The following C20orf202 variants were observed in gnomAD, a reference collection of about 807,000 sequenced individuals.
C20orf202 encodes the protein chromosome 20 open reading frame 202.
In C20orf202, 5 loss-of-function variants were observed where a neutral mutation model predicts 5.3. The ratio of observed to expected loss-of-function variants is 0.94; its 90% confidence interval spans 0.49 to 1.98. The LOEUF (loss-of-function observed/expected upper bound fraction) is 1.98. C20orf202 is among the 30% of genes most tolerant of loss of function. The pLI is 0.01. For synonymous variants in C20orf202, 48 were observed against 50.0 expected, an observed-to-expected ratio of 0.96 and a Z score of 0.16; for missense variants, 135 against 123.5, an observed-to-expected ratio of 1.09 and a Z score of -0.44.
chr20:1,203,673 C>A, intron 1 of C20orf202, 22 bp downstream of exon 1: 1 of 1,528,840 alleles, frequency 6.5e-7, no homozygotes, highest in South Asian at 1.3e-5. Context: ...CATTGCTTTT[C>A]CTTGATGCCC....
At chr20:1,203,685 G>T (rs923569905) in intron 1 of C20orf202, 34 bp downstream of exon 1, 2 of 1,521,090 alleles carry the variant, frequency 1.3e-6, no homozygotes, top group South Asian at 1.3e-5. Flanking sequence ...TTGATGCCCC[G>T]ACTACATATT....
intron 1 of C20orf202, 139 bp downstream of exon 1, chr20:1,203,790 C>T (rs2087120654): frequency 2.2e-6 from 2 of 927,042 alleles, no homozygotes; most frequent in Admixed American, 6.2e-5. Context: ...TGGGACCTAC[C>T]ACACAATGCA....
chr20:1,207,186 A>G lies in C20orf202; in HGVS notation c.*84A>G. ...GATATTTCAGGGGCAGAGTGTTGGA[A>G]TGGGAGTCAGAAAGCCAGGGCTCTG... On this transcript the variant is annotated 3_prime_UTR_variant, in exon 2 of 2. Transcript: ENST00000400633. 1 of 1,025,432 alleles carries G rather than the reference A, an allele frequency of 9.8e-7. No individual in the cohort carries two copies. Among genetic ancestry groups the G allele is most frequent in the Non-Finnish European group, 1.4e-6 (1 of 729,666 alleles). The allele number at this position is 1,025,432 out of a possible 1,614,324, so 63.5% of individuals were successfully genotyped here. A position where few individuals can be genotyped will look rare whatever the true frequency, so the allele number is the denominator to read the frequency against.
At position 1,207,595 on chromosome 20, in the gene C20orf202, G is replaced by C. The variant is rs2087138195; in HGVS notation, c.*493G>C. 1.3e-5 allele frequency: 2 copies of C among 152,320 alleles called. No homozygotes were observed. Among genetic ancestry groups the C allele is most frequent in the South Asian group, 4.1e-4 (2 of 4,826 alleles). 9.4% of individuals were successfully genotyped at this position (152,320 alleles called of 1,614,324 possible). A position where few individuals can be genotyped will look rare whatever the true frequency, so the allele number is the denominator to read the frequency against. ...GGCCCTGTAACCACCCTGGCCATAG[G>C]CATGGGTATATTACCAGGCCTGGCC... is the stretch of plus-strand genomic sequence containing the variant. On this transcript the variant is annotated 3_prime_UTR_variant, in exon 2 of 2. Coordinates refer to ENST00000400633, the MANE Select transcript of C20orf202 (RefSeq NM_001394958.1).
intron 1 of C20orf202, 44 bp from the exon 2 acceptor site, chr20:1,206,825 C>T (rs988550407): frequency 7.5e-7 from 1 of 1,332,058 alleles, no homozygotes; most frequent in African/African-American, 1.5e-5. Context: ...GGGGAAACAT[C>T]CAGGGCTCCA....
rs2087144554 is a variant in C20orf202, at chr20:1,209,037, C to T, written c.*1935C>T. Among the ~76,000 whole-genome samples, 3 of 152,102 alleles carry T rather than the reference C, an allele frequency of 2.0e-5. No individual in the cohort carries two copies. The South Asian group carries it at 6.2e-4, about 32-fold the overall frequency. On this transcript the variant is annotated 3_prime_UTR_variant, in exon 2 of 2. Coordinates refer to ENST00000400633, the MANE Select transcript of C20orf202 (RefSeq NM_001394958.1). The surrounding 1 kb of genome is among the most constrained non-coding windows in gnomAD (Gnocchi z 4.0). ...AGTCACCCAGTTAACAACTTTATAC[C>T]TAGTTAGCAATTCTTTATATTAAAT...
At position 1,208,860 on chromosome 20, in the gene C20orf202, C is replaced by G. The variant is rs1246915991; in HGVS notation, c.*1758C>G. 3.9e-5 allele frequency among the ~76,000 whole-genome samples: 6 copies of G among 152,160 alleles called. No homozygotes were observed. Among genetic ancestry groups the G allele is most frequent in the African/African-American group, 1.4e-4 (6 of 41,432 alleles). ...ACACCAGCCCCAGCTGAGCTGAGTT[C>G]CTTTCTCAGATAGCTGAATTTAAAC... is the stretch of plus-strand genomic sequence containing the variant. On this transcript the variant is annotated 3_prime_UTR_variant, in exon 2 of 2. Coordinates refer to ENST00000400633, the MANE Select transcript of C20orf202 (RefSeq NM_001394958.1).
Position 1,206,979 on chromosome 20 carries a change from C to T in C20orf202, c.177C>T (p.Ser59=), listed in dbSNP as rs1235893065. The T allele has an allele frequency of 3.2e-6, 5 of 1,551,492 alleles. No homozygotes were observed. The highest frequency in any genetic ancestry group is 1.4e-5 in the African/African-American group (1 of 73,064). ...CCCACTGGGAGGACGCCAGGTCCAG[C>T]GGAGGGACATCCCCCATCAGAGCTC... ...DSAHWEDARS[S]GGTSPIRARA... is the part of the protein sequence containing the mutation. Residue 59 remains serine, a synonymous_variant, in exon 2 of 2, where the codon AGC becomes AGT. Transcript: ENST00000400633.
chr20:1,203,723 G>C lies in C20orf202; in HGVS notation c.66+72G>C, dbSNP rs972891885. 3 of 1,481,180 alleles carry C rather than the reference G, an allele frequency of 2.0e-6. No homozygotes were observed. In the East Asian group the frequency reaches 7.5e-5, roughly 37 times the overall value. 91.8% of individuals were successfully genotyped at this position (1,481,180 alleles called of 1,614,324 possible). ...CCAAAGATCTCTGGTTTTCCTTCCCGGGTCCCCCCTGGGGCAGAGGCTGCA... is the reference window on the plus strand; with the variant it reads ...CCAAAGATCTCTGGTTTTCCTTCCCCGGTCCCCCCTGGGGCAGAGGCTGCA... On this transcript the variant is annotated intron_variant, in intron 1 of 1. Transcript: ENST00000400633.
At position 1,207,885 on chromosome 20, in the gene C20orf202, G is replaced by C. The variant is rs535417997; in HGVS notation, c.*783G>C. On this transcript the variant is annotated 3_prime_UTR_variant, in exon 2 of 2. Transcript: ENST00000400633. The stretch of plus-strand genomic sequence containing the variant: ...GAGAGGAAGAGCGCTGGCTCTTTTT[G>C]GTCCCTGGTTTTAGGTCCTAGTTTT... 1 of 151,808 alleles carries C rather than the reference G, an allele frequency of 6.6e-6. No individual in the cohort carries two copies. Among genetic ancestry groups the C allele is most frequent in the African/African-American group, 2.4e-5 (1 of 41,354 alleles). 9.4% of individuals were successfully genotyped at this position (151,808 alleles called of 1,614,324 possible).
At position 1,203,643 on chromosome 20, in the gene C20orf202, A is replaced by T; in HGVS notation, c.58A>T (p.Lys20Ter). The stretch of plus-strand genomic sequence containing the variant: ...TGGGCAGACCTTGGAGTGGCTGAGA[A>T]AGGAGCTGGTAAGGTTTTGCATTGC... ...SLGQTLEWLR[K>*]ELSEMQIQDQ... The change falls in exon 1 of 2, where the codon AAG becomes TAG. Residue 20 changes from lysine (K) to a stop codon, truncating the protein, a stop_gained. Transcript: ENST00000400633. LOFTEE classifies it high-confidence loss of function. 6.5e-7 allele frequency: 1 copy of T among 1,546,506 alleles called. No homozygotes were observed. The highest frequency in any genetic ancestry group is 1.2e-5 in the South Asian group (1 of 82,956).
intron 1 of C20orf202, among the ~76,000 whole-genome samples, chr20:1,205,330 ACTC>A (rs1369321120): frequency 6.7e-6 from 1 of 150,010 alleles, no homozygotes; most frequent in African/African-American, 2.5e-5. Context: ...CTGGTCTTGA[ACTC>A]CTGACCTCAG....
rs1337308826 is a variant in C20orf202, at chr20:1,206,984, G to A, written c.182G>A (p.Gly61Glu). ...TGGGAGGACGCCAGGTCCAGCGGAG[G>A]GACATCCCCCATCAGAGCTCGAGCG... Reference protein sequence around the residue: ...AHWEDARSSGGTSPIRARAGS... With the variant: ...AHWEDARSSGETSPIRARAGS... The change falls in exon 2 of 2, where the codon GGG becomes GAG. Residue 61 changes from glycine to glutamate, a missense_variant. Transcript: ENST00000400633. 5.2e-6 allele frequency: 8 copies of A among 1,551,580 alleles called. No homozygotes were observed. The highest frequency in any genetic ancestry group is 1.7e-4 in the Middle Eastern group (1 of 6,006).
intron 1 of C20orf202, among the ~76,000 whole-genome samples, 164 bp from the exon 2 acceptor site, chr20:1,206,705 T>G (rs1170677363): frequency 6.6e-6 from 1 of 152,292 alleles, no homozygotes; most frequent in South Asian, 2.1e-4. Context: ...CAATTTGCTT[T>G]CTGCTTTGCA....
intron 1 of C20orf202, among the ~76,000 whole-genome samples, chr20:1,206,336 T>A (rs2087131523): frequency 6.6e-6 from 1 of 152,204 alleles, no homozygotes; most frequent in Non-Finnish European, 1.5e-5. Flanking sequence ...CATTCTAAAA[T>A]AATAACAAAT....
chr20:1,205,842 G>A (rs1401041328), intron 1 of C20orf202, among the ~76,000 whole-genome samples: 3 of 152,066 alleles, frequency 2.0e-5, no homozygotes, highest in African/African-American at 2.4e-5. Context: ...TGAGAGGATC[G>A]CGTGAGCCCA....
chr20:1,206,519 T>C (rs144089903), intron 1 of C20orf202, among the ~76,000 whole-genome samples: 307 of 152,310 alleles, frequency 2.0e-3, no homozygotes, highest in African/African-American at 7.1e-3. Context: ...TGTTGAGACA[T>C]TACATGTCAT....
chr20:1,203,742 G>A, intron 1 of C20orf202, 91 bp downstream of exon 1: 1 of 1,409,030 alleles, frequency 7.1e-7, no homozygotes, highest in Non-Finnish European at 9.5e-7. Flanking sequence ...CTGGGGCAGA[G>A]GCTGCAGGCT....
In C20orf202 at chr20:1,203,755, G is replaced by A. The variant is rs1003650103; in HGVS notation, c.66+104G>A. 2.9e-5 allele frequency: 37 copies of A among 1,278,270 alleles called. 1 individual carries two copies. The African/African-American group carries it at 4.1e-4, about 14-fold the overall frequency. 79.2% of individuals were successfully genotyped at this position (1,278,270 alleles called of 1,614,324 possible). A position where few individuals can be genotyped will look rare whatever the true frequency, so the allele number is the denominator to read the frequency against. ...CCCTGGGGCAGAGGCTGCAGGCTAC[G>A]GTATGGACCCTGCAGTCTCCCCTCT... On this transcript the variant is annotated intron_variant, in intron 1 of 1. Transcript: ENST00000400633.
Sources: gnomAD v4.1 joint callset for allele counts (sites outside exome capture counted in the v4.1 genomes callset) on GRCh38, gnomAD v4.1.1 for gene constraint, Gnocchi (gnomAD v3.1) non-coding constraint, MANE v1.5 for transcripts, NCBI Gene and HGNC (gene_info 2026-07-23, HGNC 2026-07-21) for gene names.